Variants in LARGE1 observed in about 807,000 individuals in gnomAD.
The protein encoded by LARGE1 is xylosyl- and glucuronyltransferase LARGE1.
LARGE1 carries 43 observed loss-of-function variants against 87.6 expected under a neutral mutation model. The ratio of observed to expected loss-of-function variants is 0.49; its 90% CI spans 0.38 to 0.63. The LOEUF is 0.63. Among genes scored for constraint, LARGE1 ranks in the 30% least tolerant of loss-of-function variants. LARGE1 has a pLI of 0.00. For missense variants in LARGE1, 802 were observed against 1,000.2 expected (o/e 0.80, Z 2.67); for synonymous variants, 434 against 394.6 (o/e 1.10, Z -1.18).
chr22:33,516,483 AT>A (rs2071308642), intron 6 of LARGE1, among the ~76,000 whole-genome samples: 1 of 152,120 alleles, frequency 6.6e-6, no homozygotes, highest in Admixed American at 6.5e-5. Context: ...CCCACCTTTC[AT>A]TTTGCACCAG....
At chr22:33,542,519 CCCAGAGG>C (rs1356709646) in intron 6 of LARGE1, among the ~76,000 whole-genome samples, 1 of 150,810 alleles carries the variant, frequency 6.6e-6, no homozygotes, top group African/African-American at 2.4e-5. Flanking sequence ...ATCCAAAGAG[CCCAGAGG>C]CCAGAGACCT....
At chr22:33,591,802 T>C (rs1228826815) in intron 5 of LARGE1, among the ~76,000 whole-genome samples, 2 of 145,830 alleles carry the variant, frequency 1.4e-5, no homozygotes, top group African/African-American at 5.2e-5. Flanking sequence ...GGGCCAGGAG[T>C]TCAAGATCAA....
At chr22:33,155,827 A>G in the LARGE1 span, among the ~76,000 whole-genome samples, 1 of 152,170 alleles carries the variant, frequency 6.6e-6, no homozygotes, top group African/African-American at 2.4e-5. Context: ...TAGGAGGGAA[A>G]AATGGTTTCA....
At chr22:33,092,648 A>G in the LARGE1 span, among the ~76,000 whole-genome samples, 2 of 85,298 alleles carry the variant, frequency 2.3e-5, no homozygotes, top group Non-Finnish European at 4.5e-5. Flanking sequence ...AAGAGGCCCC[A>G]GTATGTGTTG....
chr22:33,283,752 G>A (rs772922583), intron 12 of LARGE1, among the ~76,000 whole-genome samples: 2 of 150,944 alleles, frequency 1.3e-5, no homozygotes, highest in African/African-American at 2.4e-5. Flanking sequence ...ACTCCAGCCT[G>A]GGTGACAGAG....
chr22:33,869,181 C>A (rs932504524), intron 1 of LARGE1, among the ~76,000 whole-genome samples: 2 of 152,120 alleles, frequency 1.3e-5, no homozygotes, highest in Non-Finnish European at 2.9e-5. Flanking sequence ...TCCTTTGGAT[C>A]CACTTAAGAT....
intron 6 of LARGE1, among the ~76,000 whole-genome samples, chr22:33,501,903 G>T (rs2070457105): frequency 2.0e-5 from 3 of 152,178 alleles, no homozygotes; most frequent in Non-Finnish European, 4.4e-5. Context: ...TACAAAGTAG[G>T]AGGAACTGGG....
In LARGE1 at chr22:33,630,858, C is replaced by CT. The variant is rs534058941; in HGVS notation, c.409-4533dup. ...AATTTAAAATTTTTTTTAACTATCT[C>CT]TTTTTTTTTTTTGAGACGGAGTCTC... On this transcript the variant is annotated intron_variant, in intron 3 of 14. Transcript: ENST00000397394. Among the ~76,000 whole-genome samples the CT allele has an allele frequency of 3.6e-3, 524 of 145,980 alleles. 2 individuals carry two copies. Among genetic ancestry groups the CT allele is most frequent in the African/African-American group, 8.9e-3 (360 of 40,224 alleles).
At chr22:33,615,156 T>C (rs1216188523) in intron 4 of LARGE1, among the ~76,000 whole-genome samples, 1 of 152,258 alleles carries the variant, frequency 6.6e-6, no homozygotes, top group Non-Finnish European at 1.5e-5. Flanking sequence ...AGATGGAATC[T>C]TAGCATGGAT....
chr22:33,367,838 A>C (rs1200825267), intron 9 of LARGE1, among the ~76,000 whole-genome samples: 1 of 152,082 alleles, frequency 6.6e-6, no homozygotes, highest in Non-Finnish European at 1.5e-5. Flanking sequence ...ATTTCCTTAC[A>C]TGTTATTTTA....
intron 4 of LARGE1, among the ~76,000 whole-genome samples, chr22:33,612,454 T>G (rs961931152): frequency 1.3e-5 from 2 of 152,302 alleles, no homozygotes; most frequent in African/African-American, 2.4e-5. Flanking sequence ...ATAGGTGACA[T>G]AGGGCTAACT....
intron 4 of LARGE1, among the ~76,000 whole-genome samples, chr22:33,606,205 A>C (rs1602678976): frequency 6.6e-6 from 1 of 152,098 alleles, no homozygotes; most frequent in African/African-American, 2.4e-5. Context: ...GGAGATCGAG[A>C]CCATCCTGGG....
chr22:33,139,314 C>T, the LARGE1 span, among the ~76,000 whole-genome samples: 3 of 152,000 alleles, frequency 2.0e-5, no homozygotes, highest in Non-Finnish European at 1.5e-5. Flanking sequence ...TATATGAATT[C>T]TCTATTCATA....
chr22:33,897,086 A>C (rs2065164957), intron 1 of LARGE1, among the ~76,000 whole-genome samples: 1 of 152,158 alleles, frequency 6.6e-6, no homozygotes, highest in Admixed American at 6.5e-5. Flanking sequence ...GAAGGAGGCC[A>C]GTCATGCCTC....
the LARGE1 span, among the ~76,000 whole-genome samples, chr22:33,142,234 C>A: frequency 6.6e-6 from 1 of 152,190 alleles, no homozygotes; most frequent in Non-Finnish European, 1.5e-5. Context: ...TGGCTTTGTG[C>A]TGCTCCTTCT....
intron 6 of LARGE1, among the ~76,000 whole-genome samples, chr22:33,510,358 G>A (rs938075011): frequency 3.9e-5 from 6 of 152,316 alleles, no homozygotes; most frequent in African/African-American, 1.4e-4. Context: ...GAACTTTACA[G>A]ATGAGGAAAT....
chr22:33,406,603 C>T (rs146831788), intron 7 of LARGE1, among the ~76,000 whole-genome samples: 252 of 152,240 alleles, frequency 1.7e-3, no homozygotes, highest in African/African-American at 4.7e-3. Flanking sequence ...TCGAGACGAC[C>T]CTCTGCCACA....
chr22:33,922,412 T>G (rs2065974421), upstream of LARGE1: 1 of 152,238 alleles, frequency 6.6e-6, no homozygotes, highest in South Asian at 2.1e-4. Flanking sequence ...TCCAGCCTCG[T>G]GAAACAACGA....
intron 1 of LARGE1, among the ~76,000 whole-genome samples, chr22:33,874,472 G>C (rs1370045807): frequency 6.6e-6 from 1 of 152,182 alleles, no homozygotes; most frequent in African/African-American, 2.4e-5. Flanking sequence ...AGCTGAAACG[G>C]AGCAATTTGC....
Sources: gnomAD v4.1 joint callset for allele counts (sites outside exome capture counted in the v4.1 genomes callset) on GRCh38, gnomAD v4.1.1 for gene constraint, MANE v1.5 for transcripts, NCBI Gene and HGNC (gene_info 2026-07-23, HGNC 2026-07-21) for gene names.